The following TBP variants were observed in gnomAD, a reference collection of about 807,000 sequenced individuals.
TBP encodes the protein TATA-box-binding protein.
A neutral mutation model predicts 46.2 loss-of-function variants in TBP; 12 were observed. The observed-to-expected ratio is 0.26, with a 90% CI of 0.17 to 0.42. The LOEUF is 0.42. TBP is among the 10% of genes least tolerant of loss of function. TBP has a pLI of 1.00. For synonymous variants in TBP, 157 were observed against 148.3 expected, an observed-to-expected ratio of 1.06 and a Z score of -0.42; for missense variants, 229 against 403.1, an observed-to-expected ratio of 0.57 and a Z score of 3.70.
chr6:170,558,733 G>A (rs1329571469), intron 2 of TBP, among the ~76,000 whole-genome samples: 2 of 125,586 alleles, frequency 1.6e-5, no homozygotes, highest in African/African-American at 3.1e-5. Flanking sequence ...TCACTCTGTT[G>A]CCCAGGCTGG....
At position 170,569,615 on chromosome 6, in the gene TBP, A is replaced by C; in HGVS notation, c.681A>C (p.Glu227Asp). The C allele has an allele frequency of 6.2e-7, 1 of 1,613,166 alleles. No homozygotes were observed. The highest frequency in any genetic ancestry group is 8.5e-7 in the Non-Finnish European group (1 of 1,179,638). Residue 227 changes from glutamate to aspartate, a missense_variant, in exon 6 of 8, where the codon GAA becomes GAC. This residue lies in a region of TBP where 67 missense variants were observed against 188.2 expected (regional missense o/e 0.36). Transcript: ENST00000392092. ...CTCACTTTTTTCCTTTCCCTAGTGA[A>C]GAACAGTCCAGACTGGCAGCAAGAA... Reference protein sequence around the residue: ...GKMVCTGAKSEEQSRLAARKY... With the variant: ...GKMVCTGAKSDEQSRLAARKY...
rs1779333731 is a variant in TBP, at chr6:170,569,522, T to G, written c.678-90T>G. 3 of 1,154,732 alleles carry G rather than the reference T, an allele frequency of 2.6e-6. No homozygotes were observed. The South Asian group carries it at 4.9e-5, about 19-fold the overall frequency. 71.5% of individuals were successfully genotyped at this position (1,154,732 alleles called of 1,614,324 possible). The stretch of plus-strand genomic sequence containing the variant: ...CTGACCAGTTTACACTTTATTAGTT[T>G]ACTGTTTTGGACTTTTTATAAGTTA... On this transcript the variant is annotated intron_variant, in intron 5 of 7. Coordinates refer to ENST00000392092, the MANE Select transcript of TBP (RefSeq NM_003194.5).
At chr6:170,563,805 T>C (rs1247511270) in intron 3 of TBP, among the ~76,000 whole-genome samples, 1 of 152,252 alleles carries the variant, frequency 6.6e-6, no homozygotes. Context: ...CCATTTCAAC[T>C]ATATATACTT....
intron 4 of TBP, among the ~76,000 whole-genome samples, chr6:170,565,792 G>T (rs748536047): frequency 1.1e-4 from 17 of 152,134 alleles, no homozygotes; most frequent in Non-Finnish European, 2.5e-4. Context: ...ATTGTTAAAA[G>T]CCAGGCATGG....
At chr6:170,571,526 T>C (rs1419472210) in intron 7 of TBP, 22 bp downstream of exon 7, 1 of 1,552,188 alleles carries the variant, frequency 6.4e-7, no homozygotes, top group South Asian at 1.1e-5. Flanking sequence ...CAGGAAGTAG[T>C]ATCTGAAAGT....
Position 170,572,502 on chromosome 6 carries a change from T to C in TBP, c.*237T>C. 1.8e-6 allele frequency: 1 copy of C among 548,734 alleles called. No individual in the cohort carries two copies. Among genetic ancestry groups the C allele is most frequent in the Non-Finnish European group, 3.2e-6 (1 of 310,236 alleles). 34.0% of individuals were successfully genotyped at this position (548,734 alleles called of 1,614,324 possible). A position where few individuals can be genotyped will look rare whatever the true frequency, so the allele number is the denominator to read the frequency against. On this transcript the variant is annotated 3_prime_UTR_variant, in exon 8 of 8. Transcript: ENST00000392092. Reference sequence around the variant, plus strand: ...GTGAGTTGCTCATACCGTGCTGCTATCTGGGCAGCGCTGCCCATTTATTTA... The same window carrying C: ...GTGAGTTGCTCATACCGTGCTGCTACCTGGGCAGCGCTGCCCATTTATTTA...
chr6:170,561,962 CAG>C lies in TBP; in HGVS notation c.227_228del (p.Gln76ProfsTer101). ...QQQQQQQQQQ[Q>X]QQQQQQQQQQ... is the part of the protein sequence containing the mutation. ...GCAGCAGCAGCAGCAACAGCAACAG[CAG>C]CAGCAGCAGCAGCAGCAGCAGCAGC... On this transcript the variant is annotated frameshift_variant, in exon 3 of 8. Coordinates refer to ENST00000392092, the MANE Select transcript of TBP (RefSeq NM_003194.5). LOFTEE classifies it high-confidence loss of function. 1 of 385,184 alleles carries C rather than the reference CAG, an allele frequency of 2.6e-6. No homozygotes were observed. The highest frequency in any genetic ancestry group is 3.8e-6 in the Non-Finnish European group (1 of 262,422). The allele number at this position is 385,184 out of a possible 1,614,324, so 23.9% of individuals were successfully genotyped here.
chr6:170,561,685 C>A, intron 2 of TBP, 106 bp from the exon 3 acceptor site: 1 of 1,519,410 alleles, frequency 6.6e-7, no homozygotes, highest in Non-Finnish European at 8.8e-7. Flanking sequence ...CCATTATTCT[C>A]CGAAGGCATC....
chr6:170,566,040 C>T (rs1362006241), intron 4 of TBP, among the ~76,000 whole-genome samples: 1 of 151,578 alleles, frequency 6.6e-6, no homozygotes, highest in Non-Finnish European at 1.5e-5. Flanking sequence ...CACCACTGCA[C>T]TCCAGTCTGG....
intron 5 of TBP, among the ~76,000 whole-genome samples, chr6:170,569,399 G>A (rs1337737707): frequency 6.6e-6 from 1 of 152,202 alleles, no homozygotes; most frequent in African/African-American, 2.4e-5. Context: ...CGGATTGAAA[G>A]GTCATTTTGG....
At chr6:170,556,224 A>T (rs528914074) in intron 1 of TBP, among the ~76,000 whole-genome samples, 1 of 152,372 alleles carries the variant, frequency 6.6e-6, no homozygotes, top group Admixed American at 6.5e-5. Context: ...ATATGTTGTT[A>T]TAAACTCATT....
At chr6:170,554,592 T>A (rs1446288852) in intron 1 of TBP, 129 bp downstream of exon 1, 1 of 152,776 alleles carries the variant, frequency 6.5e-6, no homozygotes, top group Non-Finnish European at 1.5e-5. Context: ...TTCCTCCCTT[T>A]CGTGCTGCCG....
In TBP at chr6:170,557,090, T is replaced by C. The variant is rs1391640606; in HGVS notation, c.54+7T>C. On this transcript the variant is annotated splice_region_variant and intron_variant, in intron 2 of 7. Coordinates refer to ENST00000392092, the MANE Select transcript of TBP (RefSeq NM_003194.5). ...GGGCTTGGCCTCCCCTCAGGTAATA[T>C]AGCAGGAGGGAGAGAATAGGGAGGG... The C allele has an allele frequency of 1.1e-5, 17 of 1,613,392 alleles. No homozygotes were observed. Among genetic ancestry groups the C allele is most frequent in the African/African-American group, 9.3e-5 (7 of 74,874 alleles).
At chr6:170,558,753 G>A (rs1180412107) in intron 2 of TBP, among the ~76,000 whole-genome samples, 1 of 149,490 alleles carries the variant, frequency 6.7e-6, no homozygotes, top group African/African-American at 2.5e-5. Flanking sequence ...GAGTGCAGTG[G>A]TGCAGTCTTG....
chr6:170,570,397 C>T (rs1188120343), intron 6 of TBP, among the ~76,000 whole-genome samples: 1 of 152,172 alleles, frequency 6.6e-6, no homozygotes, highest in African/African-American at 2.4e-5. Flanking sequence ...GAAGCTCCCA[C>T]TTGAGTTCCA....
At position 170,557,074 on chromosome 6, in the gene TBP, C is replaced by A. The variant is rs778805694; in HGVS notation, c.45C>A (p.Ala15=). 6 of 1,613,964 alleles carry A rather than the reference C, an allele frequency of 3.7e-6. No homozygotes were observed. In the East Asian group the frequency reaches 1.3e-4, roughly 36 times the overall value. The change falls in exon 2 of 8, where the codon GCC becomes GCA. Residue 15 remains alanine, a synonymous_variant. Coordinates refer to ENST00000392092, the MANE Select transcript of TBP (RefSeq NM_003194.5). ...NSLPPYAQGL[A]SPQGAMTPGI... is the part of the protein sequence containing the mutation. ...TGCCACCTTACGCTCAGGGCTTGGCCTCCCCTCAGGTAATATAGCAGGAGG... is the reference window on the plus strand; with the variant it reads ...TGCCACCTTACGCTCAGGGCTTGGCATCCCCTCAGGTAATATAGCAGGAGG...
chr6:170,557,135 A>G lies in TBP; in HGVS notation c.54+52A>G, dbSNP rs375256062. The G allele has an allele frequency of 7.1e-4, 1,091 of 1,532,352 alleles. 2 individuals carry two copies. The highest frequency in any genetic ancestry group is 8.8e-4 in the Non-Finnish European group (981 of 1,109,184). The allele number at this position is 1,532,352 out of a possible 1,614,324, so 94.9% of individuals were successfully genotyped here. A position where few individuals can be genotyped will look rare whatever the true frequency, so the allele number is the denominator to read the frequency against. On this transcript the variant is annotated intron_variant, in intron 2 of 7. Transcript: ENST00000392092. The stretch of plus-strand genomic sequence containing the variant: ...GGAGGGCGGAAATCTGAACTGCAAG[A>G]GATGGTATCAAAAGGCAAGGAAGGG...
At chr6:170,560,704 C>T (rs1438548111) in intron 2 of TBP, among the ~76,000 whole-genome samples, 1 of 152,212 alleles carries the variant, frequency 6.6e-6, no homozygotes, top group African/African-American at 2.4e-5. Flanking sequence ...CTGGAAGTTA[C>T]TGCAGGTGTA....
intron 2 of TBP, among the ~76,000 whole-genome samples, chr6:170,558,516 A>C (rs1047109750): frequency 6.6e-6 from 1 of 152,166 alleles, no homozygotes; most frequent in Admixed American, 6.5e-5. Flanking sequence ...ACTTTACTGC[A>C]TGTTTGACAA....
Sources: allele counts gnomAD v4.1 joint callset (sites outside exome capture counted in the v4.1 genomes callset), GRCh38; gene constraint gnomAD v4.1.1; regional missense constraint gnomAD v4.1.1; transcripts MANE v1.5; gene names NCBI Gene and HGNC (gene_info 2026-07-23, HGNC 2026-07-21).